The following CSMD1 variants were observed in gnomAD, a reference collection of about 807,000 sequenced individuals.
The protein encoded by CSMD1 is CUB and sushi domain-containing protein 1.
A neutral mutation model predicts 417.5 loss-of-function variants in CSMD1; 213 were observed. The ratio of observed to expected loss-of-function variants is 0.51; its 90% CI spans 0.46 to 0.57. The LOEUF is 0.57. CSMD1 is among the 20% of genes least tolerant of loss of function. The pLI, the probability that CSMD1 is intolerant of heterozygous loss-of-function variation, is 0.00. For missense variants in CSMD1, 6,923 were observed against 4,529.7 expected (o/e 1.53, Z -15.17); for synonymous variants, 2,862 against 1,736.8 (o/e 1.65, Z -16.11).
chr8:3,930,059 G>C (rs930650892), intron 5 of CSMD1, among the ~76,000 whole-genome samples: 2 of 150,356 alleles, frequency 1.3e-5, no homozygotes, highest in Non-Finnish European at 3.0e-5. Flanking sequence ...GAGGGGGTAT[G>C]TGTTACCTAG....
chr8:4,142,905 A>C (rs1371934404), intron 3 of CSMD1, among the ~76,000 whole-genome samples: 1 of 151,114 alleles, frequency 6.6e-6, no homozygotes, highest in East Asian at 1.9e-4. Context: ...CAATAGGAGA[A>C]ATTATTTTTA....
chr8:4,208,328 C>A (rs1417257301), intron 3 of CSMD1, among the ~76,000 whole-genome samples: 2 of 152,108 alleles, frequency 1.3e-5, no homozygotes, highest in Admixed American at 1.3e-4. Flanking sequence ...AAAAGCAAAT[C>A]AGGTCTTATT....
intron 2 of CSMD1, among the ~76,000 whole-genome samples, chr8:4,508,591 C>G (rs1266145107): frequency 6.6e-6 from 1 of 152,062 alleles, no homozygotes; most frequent in East Asian, 1.9e-4. Context: ...GCCATATTTT[C>G]TTTTATAAAT....
intron 18 of CSMD1, among the ~76,000 whole-genome samples, chr8:3,376,613 T>A (rs1400470617): frequency 3.3e-5 from 5 of 152,144 alleles, no homozygotes; most frequent in African/African-American, 1.2e-4. Flanking sequence ...TTAAAAAAAA[T>A]TTCAAAGTTT....
intron 5 of CSMD1, among the ~76,000 whole-genome samples, chr8:3,785,648 G>T (rs527486678): frequency 6.6e-6 from 1 of 152,182 alleles, no homozygotes; most frequent in Admixed American, 6.5e-5. Context: ...TTTATTGAAG[G>T]AAGAGTTGGC....
intron 1 of CSMD1, among the ~76,000 whole-genome samples, chr8:4,818,917 G>A (rs1799362591): frequency 6.6e-6 from 1 of 152,150 alleles, no homozygotes; most frequent in African/African-American, 2.4e-5. Context: ...AACAAGGTTT[G>A]GAAATGGGTT....
intron 28 of CSMD1, 52 bp downstream of exon 28, chr8:3,223,677 G>A (rs1798335874): frequency 6.3e-7 from 1 of 1,580,140 alleles, no homozygotes; most frequent in Admixed American, 1.7e-5. Context: ...GTAATTTTTA[G>A]GTATGGAATT....
At chr8:4,244,589 T>C (rs544783220) in intron 3 of CSMD1, among the ~76,000 whole-genome samples, 54 of 152,256 alleles carry the variant, frequency 3.5e-4, no homozygotes, top group African/African-American at 1.3e-3. Flanking sequence ...TCAACTATTG[T>C]AGATCTGTCT....
At chr8:4,893,116 T>C (rs1804234664) in intron 1 of CSMD1, among the ~76,000 whole-genome samples, 2 of 152,154 alleles carry the variant, frequency 1.3e-5, no homozygotes, top group East Asian at 3.8e-4. Context: ...TTTCTAGTTT[T>C]TGTCAGTGTG....
At chr8:3,939,995 C>A (rs576084735) in intron 5 of CSMD1, among the ~76,000 whole-genome samples, 1 of 151,632 alleles carries the variant, frequency 6.6e-6, no homozygotes, top group Non-Finnish European at 1.5e-5. Flanking sequence ...CCACCTGTAC[C>A]CCAAAAACTA....
chr8:3,505,128 G>C (rs1401581097), intron 10 of CSMD1, among the ~76,000 whole-genome samples: 1 of 152,132 alleles, frequency 6.6e-6, no homozygotes, highest in Non-Finnish European at 1.5e-5. Context: ...GCAGATTTCA[G>C]TAAATTATTG....
chr8:4,717,549 C>CCTATCTATCTATCTATCTATCTAT (rs555540196), intron 1 of CSMD1, among the ~76,000 whole-genome samples: 3 of 148,772 alleles, frequency 2.0e-5, no homozygotes, highest in African/African-American at 7.7e-5. Flanking sequence ...TGTCTGTCTA[C>CCTATCTATCTATCTATCTATCTAT]CTATCTATCT....
intron 3 of CSMD1, among the ~76,000 whole-genome samples, chr8:4,355,033 C>T (rs927947575): frequency 9.2e-5 from 14 of 151,886 alleles, no homozygotes; most frequent in South Asian, 2.1e-4. Flanking sequence ...GAGGCCGAGG[C>T]GGGCGGATGA....
intron 3 of CSMD1, among the ~76,000 whole-genome samples, chr8:4,390,474 C>G (rs1803767765): frequency 1.5e-5 from 2 of 135,076 alleles, no homozygotes; most frequent in South Asian, 4.7e-4. Flanking sequence ...GTTAAGAAAA[C>G]TGTTACCCAC....
At chr8:3,756,423 C>A (rs1362967179) in intron 5 of CSMD1, among the ~76,000 whole-genome samples, 1 of 151,644 alleles carries the variant, frequency 6.6e-6, no homozygotes, top group Non-Finnish European at 1.5e-5. Flanking sequence ...ACACAAATAT[C>A]ACATACAAAA....
chr8:4,749,150 G>C (rs753376580), intron 1 of CSMD1, among the ~76,000 whole-genome samples: 2 of 152,196 alleles, frequency 1.3e-5, no homozygotes, highest in African/African-American at 4.8e-5. Flanking sequence ...ATGAGTCATA[G>C]ATTATCACAG....
At chr8:4,003,279 G>C (rs547126497) in intron 4 of CSMD1, among the ~76,000 whole-genome samples, 15 of 152,084 alleles carry the variant, frequency 9.9e-5, no homozygotes, top group Non-Finnish European at 1.9e-4. Context: ...TGTAATCCCA[G>C]CTACTCGCGA....
At chr8:4,583,088 G>A (rs1223114815) in intron 2 of CSMD1, among the ~76,000 whole-genome samples, 1 of 152,210 alleles carries the variant, frequency 6.6e-6, no homozygotes, top group Non-Finnish European at 1.5e-5. Flanking sequence ...AGGACCTGCA[G>A]CCCGCCGTGC....
intron 3 of CSMD1, among the ~76,000 whole-genome samples, chr8:4,297,916 G>T (rs1242876269): frequency 6.6e-6 from 1 of 152,128 alleles, no homozygotes; most frequent in Non-Finnish European, 1.5e-5. Context: ...TAATCAGAAA[G>T]GTTTTTATTA....
Sources: allele counts gnomAD v4.1 joint callset (sites outside exome capture counted in the v4.1 genomes callset), GRCh38; gene constraint gnomAD v4.1.1; transcripts MANE v1.5; gene names NCBI Gene and HGNC (gene_info 2026-07-23, HGNC 2026-07-21).